Variants in BORCS5 observed in about 807,000 individuals in gnomAD.
The protein encoded by BORCS5 is BLOC-1 related complex subunit 5, also known as BLOC-1-related complex subunit 5.
In BORCS5, 17 loss-of-function variants were observed where a neutral mutation model predicts 22.1. That is an observed-to-expected ratio of 0.77 (90% confidence interval 0.53 to 1.15). The LOEUF (loss-of-function observed/expected upper bound fraction) is 1.15, where lower values mean the gene tolerates loss of function less well. Ranked by LOEUF, BORCS5 falls within the 50% of genes most tolerant of loss-of-function variation. The pLI, the probability that BORCS5 is intolerant of heterozygous loss-of-function variation, is 0.00. For missense variants in BORCS5, 247 were observed against 253.2 expected, an observed-to-expected ratio of 0.98 and a Z score of 0.17; for synonymous variants, 117 against 99.8, an observed-to-expected ratio of 1.17 and a Z score of -1.03.
At chr12:12,410,936 C>T (rs146270197) in intron 2 of BORCS5, among the ~76,000 whole-genome samples, 10 of 152,076 alleles carry the variant, frequency 6.6e-5, no homozygotes, top group Non-Finnish European at 1.3e-4. Context: ...TTGAAGAGGT[C>T]CTTCACATCC....
chr12:12,457,754 G>A (rs1943025172), intron 3 of BORCS5, among the ~76,000 whole-genome samples: 1 of 152,194 alleles, frequency 6.6e-6, no homozygotes, highest in Admixed American at 6.5e-5. Context: ...CCACAGAGGA[G>A]GTAAAAGCTC....
intron 3 of BORCS5, among the ~76,000 whole-genome samples, chr12:12,438,079 T>G (rs1592127924): frequency 6.6e-6 from 1 of 152,176 alleles, no homozygotes. Context: ...ACTATGACAT[T>G]AACTCTCAGA....
intron 2 of BORCS5, among the ~76,000 whole-genome samples, chr12:12,405,456 TGTTA>T (rs528447748): frequency 9.8e-5 from 15 of 152,370 alleles, no homozygotes; most frequent in East Asian, 3.8e-4. Flanking sequence ...TTATTCTTTC[TGTTA>T]GTTCTAGCAC....
intron 3 of BORCS5, among the ~76,000 whole-genome samples, chr12:12,456,384 T>A (rs1470363945): frequency 6.6e-6 from 1 of 152,198 alleles, no homozygotes; most frequent in East Asian, 1.9e-4. Flanking sequence ...TGAGCTATGA[T>A]CAGGCCACTG....
intron 2 of BORCS5, among the ~76,000 whole-genome samples, chr12:12,401,933 G>A (rs1448596198): frequency 1.3e-5 from 2 of 151,814 alleles, no homozygotes; most frequent in Admixed American, 6.6e-5. Context: ...GGGCTTGGTG[G>A]TGGGCGCCTG....
In BORCS5 at chr12:12,466,426, C is replaced by T. The variant is rs774999906; in HGVS notation, c.*650C>T. 6.6e-6 allele frequency: 1 copy of T among 152,174 alleles called. No homozygotes were observed. Among genetic ancestry groups the T allele is most frequent in the African/African-American group, 2.4e-5 (1 of 41,416 alleles). 9.4% of individuals were successfully genotyped at this position (152,174 alleles called of 1,614,324 possible). A position where few individuals can be genotyped will look rare whatever the true frequency, so the allele number is the denominator to read the frequency against. On this transcript the variant is annotated 3_prime_UTR_variant, in exon 4 of 4. Transcript: ENST00000314565. Reference sequence around the variant, plus strand: ...CATCAGATTCATCTCCACTGATAACCGGTTTCCTTGATGCAGACATAGTTT... The same window carrying T: ...CATCAGATTCATCTCCACTGATAACTGGTTTCCTTGATGCAGACATAGTTT...
Position 12,416,122 on chromosome 12 carries a change from C to T in BORCS5, c.203-19506C>T, listed in dbSNP as rs1033211297. 7.6e-4 allele frequency among the ~76,000 whole-genome samples: 115 copies of T among 152,280 alleles called. 1 individual carries two copies. Among genetic ancestry groups the T allele is most frequent in the African/African-American group, 2.7e-3 (114 of 41,578 alleles). On this transcript the variant is annotated intron_variant, in intron 2 of 3. Transcript: ENST00000314565. ...TCTAATTTATTGCTGTACAATTACT[C>T]ATAGTACCTTGTAAAGTCATTTTTA... is the stretch of plus-strand genomic sequence containing the variant.
intron 2 of BORCS5, among the ~76,000 whole-genome samples, chr12:12,424,418 C>T (rs1942226571): frequency 6.6e-6 from 1 of 151,936 alleles, no homozygotes; most frequent in Admixed American, 6.6e-5. Flanking sequence ...TGATATTTTC[C>T]ATTTGTTTAT....
intron 3 of BORCS5, among the ~76,000 whole-genome samples, chr12:12,448,161 G>T (rs1038125894): frequency 2.6e-5 from 4 of 152,102 alleles, no homozygotes; most frequent in African/African-American, 9.7e-5. Context: ...AAACTCTAAA[G>T]CCGCGCTTCC....
chr12:12,424,525 C>CT (rs997886416), intron 2 of BORCS5, among the ~76,000 whole-genome samples: 1 of 150,632 alleles, frequency 6.6e-6, no homozygotes, highest in Admixed American at 6.6e-5. Context: ...TTGCCATTGT[C>CT]TTTTTTCAGG....
At chr12:12,440,660 G>A (rs1190510206) in intron 3 of BORCS5, among the ~76,000 whole-genome samples, 5 of 150,846 alleles carry the variant, frequency 3.3e-5, no homozygotes, top group Non-Finnish European at 7.4e-5. Flanking sequence ...GGGCATTGCT[G>A]CAGGGGAACA....
chr12:12,359,642 G>A (rs997100921), intron 1 of BORCS5, among the ~76,000 whole-genome samples: 25 of 150,174 alleles, frequency 1.7e-4, no homozygotes, highest in African/African-American at 5.6e-4. Flanking sequence ...GATTACAGGC[G>A]TGAGCCACCG....
At chr12:12,391,148 A>G (rs1299909732) in intron 2 of BORCS5, among the ~76,000 whole-genome samples, 1 of 152,056 alleles carries the variant, frequency 6.6e-6, no homozygotes, top group Admixed American at 6.6e-5. Flanking sequence ...AGATAAGTCC[A>G]TAACAGGAGC....
chr12:12,379,701 T>A (rs1278592420), intron 2 of BORCS5, among the ~76,000 whole-genome samples: 1 of 151,344 alleles, frequency 6.6e-6, no homozygotes, highest in Non-Finnish European at 1.5e-5. Flanking sequence ...GATTAGGCTT[T>A]GTCTCAGTGG....
intron 2 of BORCS5, among the ~76,000 whole-genome samples, chr12:12,429,798 C>A (rs990508424): frequency 6.6e-6 from 1 of 152,162 alleles, no homozygotes; most frequent in Non-Finnish European, 1.5e-5. Flanking sequence ...CTTGGGCTGG[C>A]CCTGTAGCCT....
chr12:12,463,756 G>T (rs950678252), intron 3 of BORCS5, among the ~76,000 whole-genome samples: 11 of 152,316 alleles, frequency 7.2e-5, no homozygotes, highest in African/African-American at 2.4e-4. Context: ...GGAAGTACAT[G>T]CCATTTGACA....
chr12:12,425,473 G>C (rs567678783), intron 2 of BORCS5, among the ~76,000 whole-genome samples: 1 of 152,132 alleles, frequency 6.6e-6, no homozygotes, highest in Non-Finnish European at 1.5e-5. Flanking sequence ...CAATGCACAA[G>C]GGTTCCAAGG....
intron 2 of BORCS5, among the ~76,000 whole-genome samples, chr12:12,384,247 G>A (rs914683046): frequency 2.0e-5 from 3 of 151,036 alleles, no homozygotes; most frequent in African/African-American, 7.3e-5. Context: ...CTCCCAAAGT[G>A]CTGGGATTAC....
chr12:12,422,616 A>G (rs893427084), intron 2 of BORCS5, among the ~76,000 whole-genome samples: 1 of 152,054 alleles, frequency 6.6e-6, no homozygotes, highest in African/African-American at 2.4e-5. Flanking sequence ...AAAAAAAAAA[A>G]GTAAAAGAAT....
Sources: allele counts gnomAD v4.1 joint callset (sites outside exome capture counted in the v4.1 genomes callset), GRCh38; gene constraint gnomAD v4.1.1; transcripts MANE v1.5; gene names NCBI Gene and HGNC (gene_info 2026-07-23, HGNC 2026-07-21).